Variants in CDH22 observed in about 807,000 individuals in gnomAD.
CDH22 encodes the protein cadherin 22, also known as cadherin-22.
Under a neutral mutation model 58.4 loss-of-function variants are expected in CDH22, and 30 were observed. The observed-to-expected ratio is 0.51, with a 90% CI of 0.38 to 0.70. The LOEUF is 0.70. CDH22 is among the 30% of genes least tolerant of loss of function. The pLI is 0.00. For missense variants in CDH22, 1,014 were observed against 1,233.9 expected, an observed-to-expected ratio of 0.82 and a Z score of 2.67; for synonymous variants, 513 against 558.2, an observed-to-expected ratio of 0.92 and a Z score of 1.14.
At chr20:46,253,798 G>T (rs1490764242) in intron 1 of CDH22, among the ~76,000 whole-genome samples, 1 of 152,222 alleles carries the variant, frequency 6.6e-6, no homozygotes, top group Non-Finnish European at 1.5e-5. Flanking sequence ...CTGCAGGGAT[G>T]CAGAGGAGGG....
chr20:46,236,430 C>T (rs1382537095), intron 3 of CDH22, among the ~76,000 whole-genome samples: 1 of 148,508 alleles, frequency 6.7e-6, no homozygotes, highest in Non-Finnish European at 1.5e-5. Context: ...CTCCTAATTC[C>T]TTTATTCTGC....
intron 3 of CDH22, among the ~76,000 whole-genome samples, chr20:46,229,480 C>T (rs2086203883): frequency 1.3e-5 from 2 of 152,146 alleles, no homozygotes; most frequent in African/African-American, 4.8e-5. Context: ...TCACAACCAG[C>T]GATGGCACTG....
chr20:46,181,164 G>A (rs563197284), intron 10 of CDH22, among the ~76,000 whole-genome samples: 1 of 152,280 alleles, frequency 6.6e-6, no homozygotes, highest in South Asian at 2.1e-4. Flanking sequence ...CCAGCTCGCT[G>A]CTGGTCCTGG....
chr20:46,190,019 G>T (rs1211310226), intron 8 of CDH22, among the ~76,000 whole-genome samples: 6 of 151,988 alleles, frequency 3.9e-5, no homozygotes, highest in Non-Finnish European at 8.8e-5. Flanking sequence ...ATGCTAGGGT[G>T]ACTGGGAGGC....
intron 1 of CDH22, among the ~76,000 whole-genome samples, chr20:46,255,082 C>T (rs1343292229): frequency 2.0e-5 from 3 of 152,116 alleles, no homozygotes; most frequent in Non-Finnish European, 2.9e-5. Flanking sequence ...AGTGCAGTGG[C>T]GTGATTTCGG....
In CDH22 at chr20:46,212,954, C is replaced by A. The variant is rs773016133; in HGVS notation, c.1032+41G>T. The A allele has an allele frequency of 5.1e-6, 8 of 1,569,014 alleles. No individual in the cohort carries two copies. The South Asian group carries it at 7.9e-5, about 15-fold the overall frequency. On this transcript the variant is annotated intron_variant, in intron 6 of 11. Coordinates refer to ENST00000537909, the MANE Select transcript of CDH22 (RefSeq NM_021248.3). The stretch of plus-strand genomic sequence containing the variant: ...CAGAGGCCTCCCTGATCCTCCCACC[C>A]CTGAGGCCTGCCTCCCCCATTCCTC...
chr20:46,241,403 GC>G lies in CDH22; in HGVS notation c.256-147del. On this transcript the variant is annotated intron_variant, in intron 2 of 11. Transcript: ENST00000537909. This position sits in a 1 kb window ranked among gnomAD's most constrained non-coding sequence, Gnocchi z 5.2. The stretch of plus-strand genomic sequence containing the variant: ...TTAGTGAGGACACTGAGGCCCAGCA[GC>G]CACGCTCACTTCCATCCCTGGCCTG... 2 of 721,898 alleles carry G rather than the reference GC, an allele frequency of 2.8e-6. No individual in the cohort carries two copies. The highest frequency in any genetic ancestry group is 4.5e-6 in the Non-Finnish European group (2 of 448,568). The allele number at this position is 721,898 out of a possible 1,614,324, so 44.7% of individuals were successfully genotyped here. A position where few individuals can be genotyped will look rare whatever the true frequency, so the allele number is the denominator to read the frequency against.
At chr20:46,301,597 G>A (rs903315415) in intron 1 of CDH22, among the ~76,000 whole-genome samples, 12 of 151,962 alleles carry the variant, frequency 7.9e-5, no homozygotes, top group Non-Finnish European at 1.8e-4. Flanking sequence ...GACCACCAGA[G>A]GTCAGGAGCT....
At chr20:46,194,760 C>T (rs1012764834) in intron 8 of CDH22, among the ~76,000 whole-genome samples, 9 of 152,150 alleles carry the variant, frequency 5.9e-5, no homozygotes, top group Non-Finnish European at 7.3e-5. Flanking sequence ...GATGGAGTCT[C>T]GGTCTGTCTC....
chr20:46,294,359 A>G (rs1237377839), intron 1 of CDH22, among the ~76,000 whole-genome samples: 1 of 152,178 alleles, frequency 6.6e-6, no homozygotes, highest in Non-Finnish European at 1.5e-5. Flanking sequence ...CTGAGGAGCC[A>G]TGCAACCTCC....
intron 1 of CDH22, among the ~76,000 whole-genome samples, chr20:46,265,212 G>A (rs1414332364): frequency 2.6e-5 from 4 of 152,094 alleles, no homozygotes; most frequent in Non-Finnish European, 5.9e-5. Flanking sequence ...TTTTACAAAC[G>A]CGTCCGGATG....
chr20:46,299,045 T>C (rs1262506274), intron 1 of CDH22, among the ~76,000 whole-genome samples: 1 of 152,208 alleles, frequency 6.6e-6, no homozygotes, highest in Non-Finnish European at 1.5e-5. Context: ...CAGCAAGATC[T>C]TTCTACAGCT....
At chr20:46,293,348 C>T (rs981819377) in intron 1 of CDH22, among the ~76,000 whole-genome samples, 84 of 152,182 alleles carry the variant, frequency 5.5e-4, no homozygotes, top group Non-Finnish European at 1.1e-3. Flanking sequence ...CCTGCATCTC[C>T]GTGTGTGCAT....
chr20:46,210,492 G>A lies in CDH22; in HGVS notation c.1101C>T (p.Pro367=), dbSNP rs1054381453. Residue 367 remains proline, a synonymous_variant, in exon 7 of 12, where the codon CCC becomes CCT. Transcript: ENST00000537909. The surrounding 1 kb of genome is among the most constrained non-coding windows in gnomAD (Gnocchi z 4.5). ...ILEALNKFVD[P]RFADLGTFRD... is the part of the protein sequence containing the mutation. ...GGAACGTGCCCAGGTCGGCGAAGCG[G>A]GGGTCCACGAACTTGTTGAGGGCCT... 7 of 1,433,276 alleles carry A rather than the reference G, an allele frequency of 4.9e-6. No homozygotes were observed. Among genetic ancestry groups the A allele is most frequent in the South Asian group, 1.6e-5 (1 of 64,450 alleles). The allele number at this position is 1,433,276 out of a possible 1,614,324, so 88.8% of individuals were successfully genotyped here. A position where few individuals can be genotyped will look rare whatever the true frequency, so the allele number is the denominator to read the frequency against.
chr20:46,183,586 G>A (rs1376623614), intron 10 of CDH22, among the ~76,000 whole-genome samples: 2 of 152,076 alleles, frequency 1.3e-5, no homozygotes, highest in Admixed American at 6.5e-5. Flanking sequence ...GCGCCACCAT[G>A]CCCAGCTAAT....
intron 1 of CDH22, among the ~76,000 whole-genome samples, chr20:46,280,804 A>G (rs1248124440): frequency 1.3e-5 from 2 of 152,222 alleles, no homozygotes; most frequent in African/African-American, 4.8e-5. Context: ...GTGGGCACTC[A>G]GTGAATGTTA....
At chr20:46,303,266 G>C (rs1352327466) in intron 1 of CDH22, among the ~76,000 whole-genome samples, 1 of 152,102 alleles carries the variant, frequency 6.6e-6, no homozygotes, top group African/African-American at 2.4e-5. Context: ...GGTACCCCTT[G>C]GCATGGAGGC....
At chr20:46,306,936 T>G (rs1387112644) in intron 1 of CDH22, among the ~76,000 whole-genome samples, 2 of 152,096 alleles carry the variant, frequency 1.3e-5, no homozygotes, top group African/African-American at 4.8e-5. Flanking sequence ...GTGGTGATGC[T>G]GATATAGGGT....
At chr20:46,265,563 ATTGT>A (rs1233914110) in intron 1 of CDH22, among the ~76,000 whole-genome samples, 1 of 151,442 alleles carries the variant, frequency 6.6e-6, no homozygotes, top group African/African-American at 2.4e-5. Flanking sequence ...GCATTTCCTT[ATTGT>A]TTGTCTCCCA....
Sources: gnomAD v4.1 joint callset for allele counts (sites outside exome capture counted in the v4.1 genomes callset) on GRCh38, gnomAD v4.1.1 for gene constraint, Gnocchi (gnomAD v3.1) non-coding constraint, MANE v1.5 for transcripts, NCBI Gene and HGNC (gene_info 2026-07-23, HGNC 2026-07-21) for gene names.